Variants in DCLK1 observed in about 807,000 individuals in gnomAD.
The protein encoded by DCLK1 is serine/threonine-protein kinase DCLK1.
In DCLK1, 16 loss-of-function variants were observed where a neutral mutation model predicts 86.2. That is an observed-to-expected ratio of 0.19 (90% CI 0.13 to 0.28). DCLK1 has a LOEUF of 0.28. Ranked by LOEUF, DCLK1 falls within the 10% of genes least tolerant of loss-of-function variation. The pLI is 1.00. For synonymous variants in DCLK1, 369 were observed against 370.5 expected, an observed-to-expected ratio of 1.00 and a Z score of 0.05; for missense variants, 590 against 940.2, an observed-to-expected ratio of 0.63 and a Z score of 4.87.
At chr13:36,064,962 C>A (rs1314097141) in intron 3 of DCLK1, among the ~76,000 whole-genome samples, 1 of 152,142 alleles carries the variant, frequency 6.6e-6, no homozygotes, top group African/African-American at 2.4e-5. Flanking sequence ...TATTCCTAAA[C>A]AATGCTAGAA....
chr13:35,990,068 C>T (rs1354196792), intron 3 of DCLK1, among the ~76,000 whole-genome samples: 1 of 152,046 alleles, frequency 6.6e-6, no homozygotes, highest in Non-Finnish European at 1.5e-5. Context: ...CTGAAGGTGG[C>T]ACACTCGTGA....
chr13:35,898,341 C>G (rs933657839), intron 4 of DCLK1, among the ~76,000 whole-genome samples: 1 of 152,234 alleles, frequency 6.6e-6, no homozygotes, highest in Admixed American at 6.5e-5. Flanking sequence ...ACCAAACATA[C>G]TTCTCATTAC....
chr13:36,047,625 A>C (rs572580389), intron 3 of DCLK1, among the ~76,000 whole-genome samples: 23 of 152,320 alleles, frequency 1.5e-4, no homozygotes, highest in African/African-American at 5.5e-4. Flanking sequence ...TTACATGTGG[A>C]ATCTATAGTA....
chr13:35,833,346 C>T (rs949187476), intron 8 of DCLK1, among the ~76,000 whole-genome samples: 1 of 152,160 alleles, frequency 6.6e-6, no homozygotes, highest in African/African-American at 2.4e-5. Flanking sequence ...TCACATCACG[C>T]CCTCTACTTA....
At chr13:35,896,538 CA>C (rs10675684) in intron 4 of DCLK1, among the ~76,000 whole-genome samples, 46 of 42,582 alleles carry the variant, frequency 1.1e-3, no homozygotes, top group South Asian at 3.8e-3. Flanking sequence ...AATTCCACCT[CA>C]AAAAAAAAAA....
intron 3 of DCLK1, among the ~76,000 whole-genome samples, chr13:36,109,230 T>C (rs997866144): frequency 1.3e-5 from 2 of 152,142 alleles, no homozygotes; most frequent in African/African-American, 4.8e-5. Flanking sequence ...AGCAGCAAAC[T>C]GAACGCTTGA....
At chr13:35,851,984 C>CAT (rs1397428680) in intron 6 of DCLK1, among the ~76,000 whole-genome samples, 2 of 144,180 alleles carry the variant, frequency 1.4e-5, no homozygotes, top group Admixed American at 1.4e-4. Flanking sequence ...CGCGTGTGTG[C>CAT]ATGTGTGTGT....
chr13:35,905,334 C>T (rs1453192173), intron 4 of DCLK1, among the ~76,000 whole-genome samples: 1 of 152,184 alleles, frequency 6.6e-6, no homozygotes, highest in Admixed American at 6.5e-5. Context: ...TAGAGGTAGA[C>T]ATGTGATATA....
chr13:36,016,410 A>G (rs1438683615), intron 3 of DCLK1, among the ~76,000 whole-genome samples: 4 of 152,304 alleles, frequency 2.6e-5, no homozygotes. Flanking sequence ...CATTAAAAGG[A>G]GCCCTAAATA....
At chr13:36,019,235 T>C (rs1286080514) in intron 3 of DCLK1, among the ~76,000 whole-genome samples, 4 of 152,316 alleles carry the variant, frequency 2.6e-5, no homozygotes, top group Non-Finnish European at 4.4e-5. Context: ...ACTGATAAGA[T>C]GGTTCCTGTG....
intron 4 of DCLK1, among the ~76,000 whole-genome samples, chr13:35,872,798 C>T (rs549213331): frequency 6.6e-6 from 1 of 151,956 alleles, no homozygotes; most frequent in Non-Finnish European, 1.5e-5. Context: ...GTGTAAGGAC[C>T]TTACCATAGC....
At chr13:35,921,224 C>T (rs1229767247) in intron 4 of DCLK1, among the ~76,000 whole-genome samples, 1 of 152,208 alleles carries the variant, frequency 6.6e-6, no homozygotes, top group African/African-American at 2.4e-5. Context: ...GGCCCCAACC[C>T]TGTTTCCTAC....
At chr13:36,026,434 T>C (rs1253721425) in intron 3 of DCLK1, among the ~76,000 whole-genome samples, 2 of 152,178 alleles carry the variant, frequency 1.3e-5, no homozygotes, top group Non-Finnish European at 2.9e-5. Flanking sequence ...CAACTACAGA[T>C]TTATTAATAG....
intron 4 of DCLK1, among the ~76,000 whole-genome samples, chr13:35,905,703 T>C (rs1001682805): frequency 2.0e-5 from 3 of 152,052 alleles, no homozygotes; most frequent in African/African-American, 7.2e-5. Context: ...CCCAGCGCAT[T>C]GGGAGGCCAA....
chr13:36,082,478 T>C (rs1234849989), intron 3 of DCLK1, among the ~76,000 whole-genome samples: 1 of 152,216 alleles, frequency 6.6e-6, no homozygotes, highest in Non-Finnish European at 1.5e-5. Context: ...TATTTTTAAC[T>C]GTGTGGGAGG....
At chr13:35,836,767 C>G (rs1321501593) in intron 7 of DCLK1, among the ~76,000 whole-genome samples, 1 of 152,154 alleles carries the variant, frequency 6.6e-6, no homozygotes, top group African/African-American at 2.4e-5. Context: ...GTGAATGGAA[C>G]AGTTTTGTAG....
At chr13:36,078,410 G>T (rs1423307636) in intron 3 of DCLK1, among the ~76,000 whole-genome samples, 1 of 152,174 alleles carries the variant, frequency 6.6e-6, no homozygotes, top group Non-Finnish European at 1.5e-5. Context: ...AAAGTCTGGG[G>T]TGTGCTACTG....
intron 3 of DCLK1, among the ~76,000 whole-genome samples, chr13:36,070,662 T>C (rs1485216408): frequency 6.6e-6 from 1 of 151,730 alleles, no homozygotes; most frequent in Non-Finnish European, 1.5e-5. Context: ...TCTTTTGAGA[T>C]GGAGTGTCGC....
intron 2 of DCLK1, among the ~76,000 whole-genome samples, chr13:36,112,438 A>G (rs1344718966): frequency 2.0e-5 from 3 of 152,146 alleles, no homozygotes; most frequent in African/African-American, 7.2e-5. Flanking sequence ...ACAAAACATT[A>G]TTCCTCCATT....
Sources: allele counts gnomAD v4.1 joint callset (sites outside exome capture counted in the v4.1 genomes callset), GRCh38; gene constraint gnomAD v4.1.1; transcripts MANE v1.5; gene names NCBI Gene and HGNC (gene_info 2026-07-23, HGNC 2026-07-21).